The following SOX5 variants were observed in gnomAD, a reference collection of about 807,000 sequenced individuals.
SOX5 encodes the protein SRY-box transcription factor 5.
In SOX5, 9 loss-of-function variants were observed where a neutral mutation model predicts 92.0. The observed-to-expected ratio is 0.10, with a 90% confidence interval of 0.06 to 0.17. The LOEUF (loss-of-function observed/expected upper bound fraction) is 0.17, where lower values mean the gene tolerates loss of function less well. Ranked by LOEUF, SOX5 falls within the 10% of genes least tolerant of loss-of-function variation. SOX5 has a pLI of 1.00. For synonymous variants in SOX5, 344 were observed against 336.3 expected (o/e 1.02, Z -0.25); for missense variants, 642 against 944.5 (o/e 0.68, Z 4.20).
chr12:24,162,730 T>TA lies in SOX5; in HGVS notation c.-2+50612dup, dbSNP rs563359482. Among the ~76,000 whole-genome samples, 487 of 152,250 alleles carry TA rather than the reference T, an allele frequency of 3.2e-3. 2 individuals are homozygous for TA. Among genetic ancestry groups the TA allele is most frequent in the South Asian group, 0.012 (60 of 4,828 alleles). On this transcript the variant is annotated intron_variant, in intron 4 of 4. Transcript: ENST00000446891. ...TTGTTTTGGGAAGGAATCCTTTTTT[T>TA]ACTCCCCTTTTCTCTCAAGGTTATG...
chr12:24,196,035 C>G (rs1363666028), intron 4 of SOX5, among the ~76,000 whole-genome samples: 1 of 152,154 alleles, frequency 6.6e-6, no homozygotes. Flanking sequence ...CATACGTGCG[C>G]CACCACGCCT....
chr12:23,645,535 T>G (rs1250113223), intron 7 of SOX5, among the ~76,000 whole-genome samples: 1 of 152,208 alleles, frequency 6.6e-6, no homozygotes, highest in East Asian at 1.9e-4. Context: ...GACAAAGACG[T>G]ATTCCTAAAT....
intron 4 of SOX5, among the ~76,000 whole-genome samples, chr12:24,014,925 T>A (rs1592344219): frequency 6.6e-6 from 1 of 152,260 alleles, no homozygotes; most frequent in South Asian, 2.1e-4. Context: ...TGGCTTTGTG[T>A]GGCAAGGTCA....
chr12:24,560,106 A>T (rs1954186366), intron 1 of SOX5, among the ~76,000 whole-genome samples: 1 of 152,212 alleles, frequency 6.6e-6, no homozygotes, highest in Non-Finnish European at 1.5e-5. Context: ...GAATTTTTTT[A>T]AACCCACAGC....
In SOX5 at chr12:24,335,972, C is replaced by CAT. The variant is rs57461232; in HGVS notation, c.-174+32589_-174+32590dup. Among the ~76,000 whole-genome samples, 53 of 58,594 alleles carry CAT rather than the reference C, an allele frequency of 9.0e-4. 3 individuals are homozygous for CAT. Among genetic ancestry groups the CAT allele is most frequent in the Admixed American group, 1.3e-3 (6 of 4,588 alleles). The allele number at this position is 58,594 out of a possible 152,430, so 38.4% of individuals were successfully genotyped here. ...CCTGGGTCCAGGCTAGAAATGCTAT[C>CAT]ATATATATATATATATCCATAATAT... is the stretch of plus-strand genomic sequence containing the variant. On this transcript the variant is annotated intron_variant, in intron 2 of 4. Coordinates refer to the SOX5 transcript ENST00000446891.
At chr12:24,423,856 G>A (rs1460318711) in intron 1 of SOX5, among the ~76,000 whole-genome samples, 3 of 152,182 alleles carry the variant, frequency 2.0e-5, no homozygotes, top group Non-Finnish European at 4.4e-5. Context: ...AGCCCAAAAT[G>A]ACCTGTTGGC....
chr12:24,534,091 T>C (rs957919794), intron 1 of SOX5, among the ~76,000 whole-genome samples: 1 of 152,170 alleles, frequency 6.6e-6, no homozygotes, highest in Non-Finnish European at 1.5e-5. Context: ...TATACTCTCA[T>C]TCTAGGTAAA....
intron 1 of SOX5, among the ~76,000 whole-genome samples, chr12:24,525,636 C>A (rs1950635118): frequency 6.6e-6 from 1 of 152,026 alleles, no homozygotes; most frequent in Non-Finnish European, 1.5e-5. Flanking sequence ...CTTTGGGAGG[C>A]CGAGGCGAAT....
intron 3 of SOX5, among the ~76,000 whole-genome samples, chr12:24,256,435 G>A (rs987623709): frequency 3.5e-4 from 54 of 152,156 alleles, no homozygotes; most frequent in Admixed American, 3.5e-3. Flanking sequence ...CCAAAGGCTT[G>A]CCCTTTGATA....
chr12:23,791,130 A>G (rs926848285), intron 3 of SOX5, among the ~76,000 whole-genome samples: 1 of 152,206 alleles, frequency 6.6e-6, no homozygotes, highest in Non-Finnish European at 1.5e-5. Context: ...AGCTTTTCTT[A>G]AGAATGGTTA....
rs375170516 is a variant in SOX5 at position 23,709,072 on chromosome 12, A to G, written c.810+25612T>C. Among the ~76,000 whole-genome samples the G allele has an allele frequency of 5.3e-5, 8 of 152,218 alleles. No homozygotes were observed. The East Asian group carries it at 1.2e-3, about 22-fold the overall frequency. On this transcript the variant is annotated intron_variant, in intron 6 of 14. Transcript: ENST00000451604. ...CAGAGTAGAAGGTTAGGGACAAACA[A>G]AATGGGTTCAGGGAATCTTTTATTT...
At chr12:24,255,542 C>T (rs1389010364) in intron 3 of SOX5, among the ~76,000 whole-genome samples, 1 of 152,020 alleles carries the variant, frequency 6.6e-6, no homozygotes, top group African/African-American at 2.4e-5. Flanking sequence ...AACTAGAAAG[C>T]AGTTTAAGGA....
chr12:24,495,862 G>A (rs975890861), intron 1 of SOX5, among the ~76,000 whole-genome samples: 5 of 152,194 alleles, frequency 3.3e-5, no homozygotes, highest in Admixed American at 1.3e-4. Context: ...TCAGTTCCGA[G>A]AGAGTCCTTT....
At chr12:23,890,301 C>G (rs1018151026) in intron 2 of SOX5, among the ~76,000 whole-genome samples, 1 of 139,698 alleles carries the variant, frequency 7.2e-6, no homozygotes, top group African/African-American at 2.7e-5. Context: ...GCCTAGGCAA[C>G]AAGAACGGAA....
At chr12:24,088,516 C>T (rs979930031) in intron 4 of SOX5, among the ~76,000 whole-genome samples, 4 of 151,562 alleles carry the variant, frequency 2.6e-5, no homozygotes, top group African/African-American at 4.8e-5. Flanking sequence ...AGAGAAGCAC[C>T]GAGAGAAAAC....
At chr12:24,176,055 G>A (rs1443500774) in intron 4 of SOX5, among the ~76,000 whole-genome samples, 1 of 152,144 alleles carries the variant, frequency 6.6e-6, no homozygotes, top group Non-Finnish European at 1.5e-5. Context: ...ATAAGGCTGG[G>A]TACAGTGACT....
rs1303644116 is a variant in SOX5 at position 23,891,819 on chromosome 12, T to C, written c.270+3974A>G. On this transcript the variant is annotated intron_variant, in intron 2 of 14. Transcript: ENST00000451604. ...AAATATATTCAATAATTTTGATACA[T>C]GAGTAAAATGTATCTTAATCAGTTT... Among the ~76,000 whole-genome samples the C allele has an allele frequency of 2.6e-5, 4 of 152,290 alleles. No homozygotes were observed. In the East Asian group the frequency reaches 7.7e-4, roughly 29 times the overall value.
intron 1 of SOX5, among the ~76,000 whole-genome samples, chr12:24,537,842 T>G (rs1951773849): frequency 6.6e-6 from 1 of 152,206 alleles, no homozygotes; most frequent in South Asian, 2.1e-4. Context: ...GGAAGTTGCT[T>G]TTGCCATAGC....
At chr12:23,617,944 A>G (rs1259015716) in intron 8 of SOX5, among the ~76,000 whole-genome samples, 1 of 152,182 alleles carries the variant, frequency 6.6e-6, no homozygotes, top group Non-Finnish European at 1.5e-5. Flanking sequence ...ACTGCACAGT[A>G]ATCCATTACA....
Sources: gnomAD v4.1 joint callset for allele counts (sites outside exome capture counted in the v4.1 genomes callset) on GRCh38, gnomAD v4.1.1 for gene constraint, MANE v1.5 for transcripts, NCBI Gene and HGNC (gene_info 2026-07-23, HGNC 2026-07-21) for gene names.